The following MAP9 variants were observed in gnomAD, a reference collection of about 807,000 sequenced individuals.
MAP9 encodes microtubule-associated protein 9.
In MAP9, 80 loss-of-function variants were observed where a neutral mutation model predicts 75.2. That is an observed-to-expected ratio of 1.06 (90% confidence interval 0.89 to 1.28). MAP9 has a LOEUF of 1.28. Among genes scored for constraint, MAP9 ranks in the 50% most tolerant of loss-of-function variants. The pLI is 0.00. For missense variants in MAP9, 753 were observed against 719.9 expected (o/e 1.05, Z -0.53); for synonymous variants, 235 against 237.3 (o/e 0.99, Z 0.09).
Position 155,368,572 on chromosome 4 carries a change from G to C in MAP9, c.708+14C>G. The C allele has an allele frequency of 1.3e-6, 2 of 1,568,566 alleles. No individual in the cohort carries two copies. Among genetic ancestry groups the C allele is most frequent in the Non-Finnish European group, 1.8e-6 (2 of 1,138,576 alleles). On this transcript the variant is annotated intron_variant, in intron 5 of 13. Transcript: ENST00000311277. Reference sequence around the variant, plus strand: ...TTCAAGAACACAATTCAACAGTTTAGTGGTAGTGCTAACCTCAGGATCAAG... The same window carrying C: ...TTCAAGAACACAATTCAACAGTTTACTGGTAGTGCTAACCTCAGGATCAAG...
Position 155,353,355 on chromosome 4 carries a change from A to C in MAP9, c.1381-15T>G, listed in dbSNP as rs1485111613. 6.4e-7 allele frequency: 1 copy of C among 1,550,668 alleles called. No homozygotes were observed. Among genetic ancestry groups the C allele is most frequent in the African/African-American group, 1.4e-5 (1 of 71,838 alleles). ...GCAGCTTTTTTCTACAGTGGAAAAA[A>C]TAATAGAGTGATATACATATATATG... On this transcript the variant is annotated splice_polypyrimidine_tract_variant and intron_variant, in intron 10 of 13. Coordinates refer to ENST00000311277, the MANE Select transcript of MAP9 (RefSeq NM_001039580.2).
chr4:155,348,601 A>T (rs1011904127), intron 13 of MAP9, among the ~76,000 whole-genome samples: 2 of 152,170 alleles, frequency 1.3e-5, no homozygotes, highest in Admixed American at 1.3e-4. Flanking sequence ...AGATACTTCA[A>T]ATTTTTTACA....
In MAP9 at chr4:155,353,241, C is replaced by A. The variant is rs1325885994; in HGVS notation, c.1480G>T (p.Glu494Ter). The A allele has an allele frequency of 5.6e-6, 9 of 1,608,618 alleles. No individual in the cohort carries two copies. Among genetic ancestry groups the A allele is most frequent in the African/African-American group, 1.3e-5 (1 of 74,730 alleles). ...AKKIAAKKRL[E>*]EKNKKKTEEE... is the part of the protein sequence containing the mutation. ...TCAGTTTTCTTCTTGTTTTTTTCTTCAAGCCTCTTTTTGGCAGCTATTTTC... is the reference window on the plus strand; with the variant it reads ...TCAGTTTTCTTCTTGTTTTTTTCTTAAAGCCTCTTTTTGGCAGCTATTTTC... Residue 494 changes from glutamate to a stop codon, truncating the protein, a stop_gained, in exon 11 of 14, where the codon GAA becomes TAA. Coordinates refer to ENST00000311277, the MANE Select transcript of MAP9 (RefSeq NM_001039580.2). LOFTEE classifies it high-confidence loss of function.
chr4:155,348,817 G>A (rs1731381997), intron 13 of MAP9, among the ~76,000 whole-genome samples: 1 of 152,044 alleles, frequency 6.6e-6, no homozygotes, highest in Non-Finnish European at 1.5e-5. Flanking sequence ...CTACCTTTGT[G>A]AGTCATTTCT....
chr4:155,374,902 A>G, intron 3 of MAP9, 35 bp downstream of exon 3: 1 of 1,402,908 alleles, frequency 7.1e-7, no homozygotes, highest in Non-Finnish European at 9.8e-7. Flanking sequence ...AGCAAAAAGA[A>G]GAAAAGTGGT....
intron 5 of MAP9, 77 bp from the exon 6 acceptor site, chr4:155,362,218 A>G (rs897866446): frequency 3.3e-6 from 3 of 909,044 alleles, no homozygotes; most frequent in East Asian, 5.2e-5. Flanking sequence ...CATTATTAAA[A>G]CTACAAATTG....
At chr4:155,360,693 A>G (rs1234471541) in intron 6 of MAP9, among the ~76,000 whole-genome samples, 1 of 152,032 alleles carries the variant, frequency 6.6e-6, no homozygotes, top group Non-Finnish European at 1.5e-5. Flanking sequence ...TAAAACAACG[A>G]CATGTCAAAA....
At position 155,355,993 on chromosome 4, in the gene MAP9, G is replaced by GCT. The variant is rs1428063170; in HGVS notation, c.1122-111_1122-110dup. 7 of 945,374 alleles carry GCT rather than the reference G, an allele frequency of 7.4e-6. No individual in the cohort carries two copies. In the African/African-American group the frequency reaches 1.0e-4, roughly 13 times the overall value. 58.6% of individuals were successfully genotyped at this position (945,374 alleles called of 1,614,324 possible). A position where few individuals can be genotyped will look rare whatever the true frequency, so the allele number is the denominator to read the frequency against. On this transcript the variant is annotated intron_variant, in intron 8 of 13. Transcript: ENST00000311277. ...ATTTGAAAACTGGCCAGGCATGATG[G>GCT]CTCACACCTGTAATCCCAGCACTTT... is the stretch of plus-strand genomic sequence containing the variant.
rs948493272 is a variant in MAP9 at position 155,376,844 on chromosome 4, G to A, written c.-138C>T. 1.3e-5 allele frequency: 2 copies of A among 152,898 alleles called. No individual in the cohort carries two copies. Among genetic ancestry groups the A allele is most frequent in the Non-Finnish European group, 2.9e-5 (2 of 68,290 alleles). 9.5% of individuals were successfully genotyped at this position (152,898 alleles called of 1,614,324 possible). On this transcript the variant is annotated 5_prime_UTR_variant, in exon 1 of 14. Transcript: ENST00000311277. ...AGGAGGAGGGGCTAATAACAGAGGCGGAGGGCGGTTGCTAGGAAACAGCGT... is the reference window on the plus strand; with the variant it reads ...AGGAGGAGGGGCTAATAACAGAGGCAGAGGGCGGTTGCTAGGAAACAGCGT...
chr4:155,347,870 T>C lies in MAP9; in HGVS notation c.1857A>G (p.Lys619=), dbSNP rs1211393743. 6.3e-7 allele frequency: 1 copy of C among 1,579,920 alleles called. No homozygotes were observed. The highest frequency in any genetic ancestry group is 8.7e-7 in the Non-Finnish European group (1 of 1,153,870). Residue 619 remains lysine, a synonymous_variant, in exon 14 of 14, where the codon AAA becomes AAG. Transcript: ENST00000311277. ...NKEKQERIER[K]QKKRHSFLES... The stretch of plus-strand genomic sequence containing the variant: ...CAAGAAAGGAATGACGTTTCTTCTG[T>C]TTTCGTTCAATTCTTTCTTGTTTTT...
At chr4:155,350,207 G>A (rs779298460) in intron 13 of MAP9, 1 of 447,968 alleles carries the variant, frequency 2.2e-6, no homozygotes, top group South Asian at 1.6e-5. Flanking sequence ...GAAGTCATTA[G>A]ACTCCTATAC....
At chr4:155,366,553 G>C (rs563839267) in intron 5 of MAP9, among the ~76,000 whole-genome samples, 3 of 152,152 alleles carry the variant, frequency 2.0e-5, no homozygotes, top group Non-Finnish European at 4.4e-5. Flanking sequence ...TCTTAAAAAC[G>C]TTTAATAAAA....
intron 10 of MAP9, among the ~76,000 whole-genome samples, 159 bp downstream of exon 10, chr4:155,354,912 T>C (rs1313937421): frequency 6.6e-6 from 1 of 152,190 alleles, no homozygotes; most frequent in Non-Finnish European, 1.5e-5. Flanking sequence ...TATATCAAAC[T>C]AAAATGTATA....
At position 155,347,907 on chromosome 4, in the gene MAP9, TA is replaced by T; in HGVS notation, c.1822-3del. ...TCTTTCTTGTTTTTCCTTATTTTCC[TA>T]AAGAGAAAATAGAACACTATAAATT... is the stretch of plus-strand genomic sequence containing the variant. On this transcript the variant is annotated splice_region_variant and splice_polypyrimidine_tract_variant and intron_variant, in intron 13 of 13. Transcript: ENST00000311277. The T allele has an allele frequency of 6.8e-7, 1 of 1,475,012 alleles. No homozygotes were observed. The highest frequency in any genetic ancestry group is 9.3e-7 in the Non-Finnish European group (1 of 1,072,384). 91.4% of individuals were successfully genotyped at this position (1,475,012 alleles called of 1,614,324 possible).
intron 7 of MAP9, among the ~76,000 whole-genome samples, chr4:155,358,610 A>G (rs1731913198): frequency 6.6e-6 from 1 of 152,170 alleles, no homozygotes; most frequent in African/African-American, 2.4e-5. Context: ...ATGCTACACC[A>G]TAAATTTTTA....
In MAP9 at chr4:155,353,173, G is replaced by T; in HGVS notation, c.1542+6C>A. The T allele has an allele frequency of 6.3e-7, 1 of 1,581,544 alleles. No homozygotes were observed. On this transcript the variant is annotated splice_donor_region_variant and intron_variant, in intron 11 of 13. Transcript: ENST00000311277. Reference sequence around the variant, plus strand: ...AAATAATTAAGATGTGCAAAGTTCTGAATACTTGTAGTGCTTCTCCTTTTC... The same window carrying T: ...AAATAATTAAGATGTGCAAAGTTCTTAATACTTGTAGTGCTTCTCCTTTTC...
At chr4:155,375,985 C>A (rs1732823338) in intron 1 of MAP9, 71 bp from the exon 2 acceptor site, 3 of 578,662 alleles carry the variant, frequency 5.2e-6, no homozygotes, top group Non-Finnish European at 9.1e-6. Context: ...TTCTACTCTC[C>A]CCACAAAGGT....
chr4:155,369,277 C>T (rs1264502790), intron 4 of MAP9, among the ~76,000 whole-genome samples: 1 of 146,594 alleles, frequency 6.8e-6, no homozygotes, highest in South Asian at 2.2e-4. Context: ...GAGCCGAGAT[C>T]GAGATCACAC....
intron 13 of MAP9, chr4:155,350,332 C>A: frequency 2.5e-6 from 1 of 393,010 alleles, no homozygotes; most frequent in South Asian, 1.9e-5. Flanking sequence ...TATTTGCAGA[C>A]ATTTTACTAG....
Sources: allele counts gnomAD v4.1 joint callset (sites outside exome capture counted in the v4.1 genomes callset), GRCh38; gene constraint gnomAD v4.1.1; transcripts MANE v1.5; gene names NCBI Gene and HGNC (gene_info 2026-07-23, HGNC 2026-07-21).